RPS6KA2: variants seen among roughly 807,000 people sequenced by gnomAD.
The protein encoded by RPS6KA2 is ribosomal protein S6 kinase alpha-2.
RPS6KA2 carries 42 observed loss-of-function variants against 91.8 expected under a neutral mutation model. The observed-to-expected ratio is 0.46, with a 90% CI of 0.36 to 0.59. The LOEUF (loss-of-function observed/expected upper bound fraction) is 0.59. Ranked by LOEUF, RPS6KA2 falls within the 20% of genes least tolerant of loss-of-function variation. The pLI, the probability that RPS6KA2 is intolerant of heterozygous loss-of-function variation, is 0.00. For synonymous variants in RPS6KA2, 414 were observed against 393.6 expected (o/e 1.05, Z -0.61); for missense variants, 798 against 978.5 (o/e 0.82, Z 2.46).
chr6:166,469,991 G>A, intron 10 of RPS6KA2, 86 bp from the exon 11 acceptor site: 1 of 1,237,148 alleles, frequency 8.1e-7, no homozygotes, highest in Non-Finnish European at 1.2e-6. Context: ...GGAGGGTGGG[G>A]ATGTGCAGAG....
intron 2 of RPS6KA2, among the ~76,000 whole-genome samples, chr6:166,843,719 G>A (rs1386971789): frequency 6.6e-6 from 1 of 152,108 alleles, no homozygotes; most frequent in Non-Finnish European, 1.5e-5. Context: ...AGGGGAAGGG[G>A]GAGAACACCA....
chr6:166,792,242 T>C (rs1206150183), intron 2 of RPS6KA2, among the ~76,000 whole-genome samples: 1 of 152,128 alleles, frequency 6.6e-6, no homozygotes. Flanking sequence ...GCAAATAAAC[T>C]AGAAAATCTA....
At chr6:166,516,525 G>A (rs553169563) in intron 3 of RPS6KA2, among the ~76,000 whole-genome samples, 4 of 152,332 alleles carry the variant, frequency 2.6e-5, no homozygotes, top group African/African-American at 9.6e-5. Context: ...TGAGCTGCCT[G>A]CTGGCATCAA....
intron 10 of RPS6KA2, among the ~76,000 whole-genome samples, chr6:166,482,860 C>T (rs778488302): frequency 1.1e-4 from 17 of 152,254 alleles, no homozygotes; most frequent in Non-Finnish European, 1.8e-4. Flanking sequence ...TCCCTAAAAC[C>T]CAGAGTGCTT....
At chr6:166,756,733 C>G (rs1030653635) in intron 2 of RPS6KA2, among the ~76,000 whole-genome samples, 2 of 152,128 alleles carry the variant, frequency 1.3e-5, no homozygotes, top group Admixed American at 6.5e-5. Flanking sequence ...GTAATCCCAG[C>G]TACTTAGGGG....
At chr6:166,593,748 C>T (rs1172317848) in intron 1 of RPS6KA2, among the ~76,000 whole-genome samples, 4 of 151,938 alleles carry the variant, frequency 2.6e-5, no homozygotes, top group African/African-American at 9.7e-5. Context: ...ATTAAAATGG[C>T]AAAAGATCTA....
intron 19 of RPS6KA2, among the ~76,000 whole-genome samples, chr6:166,415,489 G>T (rs757250809): frequency 1.3e-5 from 2 of 152,196 alleles, no homozygotes; most frequent in Non-Finnish European, 2.9e-5. Context: ...GGGGGATGTG[G>T]TGGTGGTAGG....
chr6:166,786,556 G>A (rs1778935773), intron 2 of RPS6KA2, among the ~76,000 whole-genome samples: 1 of 152,062 alleles, frequency 6.6e-6, no homozygotes, highest in Non-Finnish European at 1.5e-5. Flanking sequence ...ATGGAAGGAA[G>A]AATGTAAAAG....
chr6:166,604,277 A>G (rs574583217), intron 1 of RPS6KA2, among the ~76,000 whole-genome samples: 1 of 152,342 alleles, frequency 6.6e-6, no homozygotes, highest in Non-Finnish European at 1.5e-5. Flanking sequence ...GAATGGGAAC[A>G]TAACAGCTCA....
At chr6:166,532,362 G>A (rs570757157) in intron 2 of RPS6KA2, among the ~76,000 whole-genome samples, 1 of 152,326 alleles carries the variant, frequency 6.6e-6, no homozygotes, top group African/African-American at 2.4e-5. Context: ...GAGTGCAGGG[G>A]CTCTAGGAGC....
Position 166,841,298 on chromosome 6 carries a change from G to A in RPS6KA2, c.123+16902C>T, listed in dbSNP as rs553600378. ...ATAAAAACCTGAATATCCCTGGTGC[G>A]TTAAAAGGAAGATACTGCATTCTAG... On this transcript the variant is annotated intron_variant, in intron 2 of 21. Transcript: ENST00000503859. 1.7e-4 allele frequency among the ~76,000 whole-genome samples: 26 copies of A among 152,302 alleles called. No individual in the cohort carries two copies. The East Asian group carries it at 3.7e-3, about 21-fold the overall frequency.
intron 12 of RPS6KA2, among the ~76,000 whole-genome samples, chr6:166,452,265 T>C (rs1210334498): frequency 6.6e-6 from 1 of 152,100 alleles, no homozygotes; most frequent in Admixed American, 6.5e-5. Context: ...ATTAAAAATT[T>C]TGAAAGTAAT....
At chr6:166,569,767 C>T (rs569002083) in intron 1 of RPS6KA2, among the ~76,000 whole-genome samples, 1 of 152,320 alleles carries the variant, frequency 6.6e-6, no homozygotes, top group East Asian at 1.9e-4. Flanking sequence ...GATGGCAGAA[C>T]ACTTCTCAAA....
exon 1 of RPS6KA2, chr6:166,862,187 T>C (rs141295449): frequency 7.4e-6 from 12 of 1,613,998 alleles, no homozygotes; most frequent in Admixed American, 6.7e-5. Context: ...ACTTTCCTTT[T>C]CTGCTGGTCG....
At chr6:166,857,430 A>G (rs960413409) in intron 2 of RPS6KA2, among the ~76,000 whole-genome samples, 1 of 152,050 alleles carries the variant, frequency 6.6e-6, no homozygotes, top group African/African-American at 2.4e-5. Flanking sequence ...TACAGCCTCA[A>G]CTCAGCCTTC....
rs142712890 is a variant in RPS6KA2 at position 166,490,145 on chromosome 6, T to C, written c.818+526A>G. ...CATGAGAATTAAGCAGAAAATGGTT[T>C]GTATCCAGTCACATGGTAAAACGAT... On this transcript the variant is annotated intron_variant, in intron 9 of 20. Transcript: ENST00000265678. This position sits in a 1 kb window ranked among gnomAD's most constrained non-coding sequence, Gnocchi z 4.2. Among the ~76,000 whole-genome samples, 149 of 152,284 alleles carry C rather than the reference T, an allele frequency of 9.8e-4. 3 individuals are homozygous for C. The Middle Eastern group carries it at 0.024, about 24-fold the overall frequency.
intron 1 of RPS6KA2, among the ~76,000 whole-genome samples, chr6:166,540,063 T>C (rs774224070): frequency 7.2e-5 from 11 of 152,052 alleles, no homozygotes; most frequent in Non-Finnish European, 1.3e-4. Context: ...GAAGTGGAGA[T>C]TTTCTCCTGA....
intron 3 of RPS6KA2, among the ~76,000 whole-genome samples, chr6:166,527,671 A>T (rs1783108252): frequency 6.6e-6 from 1 of 152,170 alleles, no homozygotes; most frequent in African/African-American, 2.4e-5. Context: ...GATTTTAATC[A>T]CCCAAAAGCA....
At chr6:166,851,391 C>A (rs1331872907) in intron 2 of RPS6KA2, among the ~76,000 whole-genome samples, 2 of 152,210 alleles carry the variant, frequency 1.3e-5, no homozygotes, top group Admixed American at 1.3e-4. Context: ...GACCTCAACG[C>A]AGAAGGTGAT....
Sources: gnomAD v4.1 joint callset for allele counts (sites outside exome capture counted in the v4.1 genomes callset) on GRCh38, gnomAD v4.1.1 for gene constraint, Gnocchi (gnomAD v3.1) non-coding constraint, MANE v1.5 for transcripts, NCBI Gene and HGNC (gene_info 2026-07-23, HGNC 2026-07-21) for gene names.